ARHGAP15: variants seen among roughly 807,000 people sequenced by gnomAD.
ARHGAP15 encodes the protein rho GTPase-activating protein 15.
In ARHGAP15, 51 loss-of-function variants were observed where a neutral mutation model predicts 63.7. The ratio of observed to expected loss-of-function variants is 0.80; its 90% CI spans 0.64 to 1.01. The LOEUF is 1.01. Among genes scored for constraint, ARHGAP15 ranks in the 50% least tolerant of loss-of-function variants. The probability of loss-of-function intolerance (pLI) is 0.00; values close to 1 mark genes in which losing one functional copy is unlikely to be tolerated. For synonymous variants in ARHGAP15, 191 were observed against 193.8 expected (o/e 0.99, Z 0.12); for missense variants, 560 against 564.6 (o/e 0.99, Z 0.08).
At chr2:143,568,814 C>T (rs1041082834) in intron 11 of ARHGAP15, among the ~76,000 whole-genome samples, 21 of 152,164 alleles carry the variant, frequency 1.4e-4, no homozygotes, top group East Asian at 1.9e-4. Context: ...ACATATACAC[C>T]ATGGAATACT....
At chr2:143,304,815 G>T (rs760486246) in intron 6 of ARHGAP15, among the ~76,000 whole-genome samples, 8 of 152,076 alleles carry the variant, frequency 5.3e-5, no homozygotes, top group Non-Finnish European at 8.8e-5. Flanking sequence ...TCATTAAAAA[G>T]TCAGGAAATG....
chr2:143,583,587 C>T (rs575371939), intron 11 of ARHGAP15, among the ~76,000 whole-genome samples: 98 of 152,174 alleles, frequency 6.4e-4, no homozygotes, highest in Middle Eastern at 3.4e-3. Flanking sequence ...ATGAAATTTG[C>T]TTAAGCCAAT....
At chr2:143,219,868 A>G (rs1237274503) in intron 4 of ARHGAP15, among the ~76,000 whole-genome samples, 1 of 152,166 alleles carries the variant, frequency 6.6e-6, no homozygotes, top group Middle Eastern at 3.2e-3. Context: ...CTATTCATAA[A>G]CTTTGACTAT....
chr2:143,542,094 G>A (rs1456961458), intron 10 of ARHGAP15, among the ~76,000 whole-genome samples: 1 of 152,194 alleles, frequency 6.6e-6, no homozygotes, highest in Non-Finnish European at 1.5e-5. Context: ...CCCTCCCCCA[G>A]CCTCGCTGCC....
chr2:143,662,268 G>A (rs375077299), intron 12 of ARHGAP15, among the ~76,000 whole-genome samples: 32,408 of 150,530 alleles, frequency 0.22, 3,946 homozygotes, highest in Middle Eastern at 0.3. Context: ...CCTGACCCCC[G>A]AGCAGCCTAA....
intron 1 of ARHGAP15, among the ~76,000 whole-genome samples, chr2:143,142,711 A>G (rs987106040): frequency 6.6e-6 from 1 of 152,082 alleles, no homozygotes; most frequent in African/African-American, 2.4e-5. Flanking sequence ...ATACACATAC[A>G]TGTGTGCATG....
At position 143,709,415 on chromosome 2, in the gene ARHGAP15, C is replaced by T. The variant is rs1032078401; in HGVS notation, c.1244+5891C>T. Reference sequence around the variant, plus strand: ...AAATAGCTTTGGAAGAATATATTTGCTGCAGATTTTACGTGCAAATAAACA... The same window carrying T: ...AAATAGCTTTGGAAGAATATATTTGTTGCAGATTTTACGTGCAAATAAACA... On this transcript the variant is annotated intron_variant, in intron 13 of 13. Coordinates refer to ENST00000295095, the MANE Select transcript of ARHGAP15 (RefSeq NM_018460.4). Among the ~76,000 whole-genome samples the T allele has an allele frequency of 9.2e-5, 14 of 152,176 alleles. 1 individual carries two copies. The highest frequency in any genetic ancestry group is 1.3e-4 in the Non-Finnish European group (9 of 68,024).
intron 11 of ARHGAP15, among the ~76,000 whole-genome samples, chr2:143,596,779 TGAGA>T (rs1473412385): frequency 2.0e-5 from 3 of 152,212 alleles, no homozygotes; most frequent in South Asian, 4.1e-4. Flanking sequence ...CATACATACT[TGAGA>T]GAGAATGGAT....
chr2:143,701,087 A>G (rs1308402466), intron 12 of ARHGAP15, among the ~76,000 whole-genome samples: 1 of 152,122 alleles, frequency 6.6e-6, no homozygotes, highest in African/African-American at 2.4e-5. Flanking sequence ...CAATTTTGAA[A>G]GCTTTGACTG....
At chr2:143,470,845 C>A (rs745810951) in intron 8 of ARHGAP15, among the ~76,000 whole-genome samples, 7 of 147,968 alleles carry the variant, frequency 4.7e-5, no homozygotes, top group East Asian at 4.0e-4. Context: ...TATATATATA[C>A]ACACACACGT....
At chr2:143,334,046 T>G (rs1351850619) in intron 6 of ARHGAP15, among the ~76,000 whole-genome samples, 1 of 152,176 alleles carries the variant, frequency 6.6e-6, no homozygotes, top group Non-Finnish European at 1.5e-5. Flanking sequence ...TGTTTTAAGG[T>G]GACACCCTAA....
intron 10 of ARHGAP15, among the ~76,000 whole-genome samples, chr2:143,543,277 G>C (rs1364782958): frequency 6.6e-6 from 1 of 151,946 alleles, no homozygotes; most frequent in Admixed American, 6.5e-5. Flanking sequence ...GTTTTAATTT[G>C]CATGTATCTG....
chr2:143,166,273 C>T (rs1254064850), intron 2 of ARHGAP15, among the ~76,000 whole-genome samples: 2 of 152,012 alleles, frequency 1.3e-5, no homozygotes, highest in African/African-American at 4.8e-5. Flanking sequence ...AGTGGTGTGT[C>T]CTAAGGTCTC....
intron 6 of ARHGAP15, among the ~76,000 whole-genome samples, chr2:143,406,717 A>G (rs1475144901): frequency 2.0e-5 from 3 of 151,972 alleles, no homozygotes; most frequent in Non-Finnish European, 2.9e-5. Flanking sequence ...AGCACTAGGC[A>G]TCATAATACA....
At chr2:143,446,663 A>G (rs1690154172) in intron 8 of ARHGAP15, among the ~76,000 whole-genome samples, 1 of 151,136 alleles carries the variant, frequency 6.6e-6, no homozygotes, top group South Asian at 2.1e-4. Flanking sequence ...GTTTTAGGGT[A>G]CATGTGCACA....
At chr2:143,635,670 T>C (rs1413061020) in intron 12 of ARHGAP15, among the ~76,000 whole-genome samples, 1 of 152,120 alleles carries the variant, frequency 6.6e-6, no homozygotes, top group Admixed American at 6.6e-5. Context: ...CTGAGAATTG[T>C]CATGTGGTTT....
intron 6 of ARHGAP15, among the ~76,000 whole-genome samples, chr2:143,394,347 C>T (rs566310332): frequency 2.6e-5 from 4 of 152,168 alleles, no homozygotes; most frequent in African/African-American, 9.6e-5. Context: ...TGACTCTCTC[C>T]CTTGTTGGAA....
intron 2 of ARHGAP15, among the ~76,000 whole-genome samples, chr2:143,185,934 G>T (rs116458096): frequency 0.011 from 1,652 of 151,980 alleles, 37 homozygotes; most frequent in African/African-American, 0.038. Context: ...TCCCTACAAC[G>T]TATCTTGTTT....
chr2:143,766,835 G>T (rs1287091381), intron 13 of ARHGAP15: 1 of 152,174 alleles, frequency 6.6e-6, no homozygotes, highest in Non-Finnish European at 1.5e-5. Context: ...GGTTTCTGGA[G>T]AATATCCCCC....
Sources: allele counts gnomAD v4.1 joint callset (sites outside exome capture counted in the v4.1 genomes callset), GRCh38; gene constraint gnomAD v4.1.1; transcripts MANE v1.5; gene names NCBI Gene and HGNC (gene_info 2026-07-23, HGNC 2026-07-21).